The following SLTM variants were observed in gnomAD, a reference collection of about 807,000 sequenced individuals.
SLTM encodes the protein SAFB like transcription modulator.
A neutral mutation model predicts 134.6 loss-of-function variants in SLTM; 43 were observed. The ratio of observed to expected loss-of-function variants is 0.32; its 90% CI spans 0.25 to 0.41. SLTM has a LOEUF of 0.41. Among genes scored for constraint, SLTM ranks in the 10% least tolerant of loss-of-function variants. SLTM has a pLI of 1.00. For synonymous variants in SLTM, 424 were observed against 432.3 expected (o/e 0.98, Z 0.24); for missense variants, 1,055 against 1,288.8 (o/e 0.82, Z 2.78).
At position 58,899,369 on chromosome 15, in the gene SLTM, T is replaced by A. The variant is rs1427653350; in HGVS notation, c.1058+100A>T. The A allele has an allele frequency of 2.2e-6, 2 of 912,386 alleles. No homozygotes were observed. Among genetic ancestry groups the A allele is most frequent in the East Asian group, 4.8e-5 (2 of 41,594 alleles). 56.5% of individuals were successfully genotyped at this position (912,386 alleles called of 1,614,324 possible). A position where few individuals can be genotyped will look rare whatever the true frequency, so the allele number is the denominator to read the frequency against. Reference sequence around the variant, plus strand: ...TATTATAGGCAGGATCATAAGACACTAATTACTGTACATGTTCTTGAAGCC... The same window carrying A: ...TATTATAGGCAGGATCATAAGACACAAATTACTGTACATGTTCTTGAAGCC... On this transcript the variant is annotated intron_variant, in intron 7 of 20. Transcript: ENST00000380516. The surrounding 1 kb of genome is among the most constrained non-coding windows in gnomAD (Gnocchi z 5.0).
intron 8 of SLTM, chr15:58,897,920 T>C (rs1362854032): frequency 6.6e-6 from 1 of 152,132 alleles, no homozygotes; most frequent in Non-Finnish European, 1.5e-5. Context: ...GGCCATATCT[T>C]AGGATACAGG....
At chr15:58,888,721 A>C (rs1225121387) in intron 16 of SLTM, 166 bp from the exon 17 acceptor site, 1 of 526,048 alleles carries the variant, frequency 1.9e-6, no homozygotes, top group Non-Finnish European at 3.2e-6. Context: ...TTAATTGTTG[A>C]ATTACATAAA....
intron 5 of SLTM, among the ~76,000 whole-genome samples, chr15:58,910,204 G>GT (rs1215772026): frequency 7.2e-5 from 11 of 152,134 alleles, no homozygotes; most frequent in African/African-American, 2.7e-4. Context: ...AAGGGAGAAA[G>GT]TAAACAGAGG....
chr15:58,910,743 C>CTTT (rs543560542), intron 5 of SLTM, among the ~76,000 whole-genome samples: 16 of 116,216 alleles, frequency 1.4e-4, no homozygotes, highest in South Asian at 8.8e-4. Flanking sequence ...CTCATAGATT[C>CTTT]TTTTTTTTTT....
chr15:58,912,445 C>G, intron 5 of SLTM, 118 bp downstream of exon 5: 1 of 943,692 alleles, frequency 1.1e-6, no homozygotes, highest in Non-Finnish European at 1.7e-6. Context: ...ACGTAAATAA[C>G]TCAGTATTAA....
chr15:58,886,255 G>GTA (rs2034190101), intron 19 of SLTM, among the ~76,000 whole-genome samples: 1 of 128,654 alleles, frequency 7.8e-6, no homozygotes, highest in Non-Finnish European at 1.7e-5. Context: ...GTGTGTGTGT[G>GTA]TGTGTGTGTG....
chr15:58,928,616 T>C (rs1871063465), intron 2 of SLTM, among the ~76,000 whole-genome samples: 1 of 150,422 alleles, frequency 6.6e-6, no homozygotes, highest in Non-Finnish European at 1.5e-5. Flanking sequence ...CTAACCTCTC[T>C]AAATAGAATC....
At chr15:58,922,320 T>G (rs1186267503) in intron 2 of SLTM, among the ~76,000 whole-genome samples, 1 of 125,188 alleles carries the variant, frequency 8.0e-6, no homozygotes, top group Non-Finnish European at 1.5e-5. Context: ...GAGGTTGCAG[T>G]GAGCCGAGAT....
chr15:58,931,523 ACT>A (rs1258360701), intron 2 of SLTM, among the ~76,000 whole-genome samples: 6 of 152,120 alleles, frequency 3.9e-5, no homozygotes, highest in East Asian at 1.9e-4. Context: ...TTCATGACAA[ACT>A]CTGCATGAAA....
At chr15:58,931,267 A>G (rs1214975556) in intron 2 of SLTM, among the ~76,000 whole-genome samples, 2 of 152,188 alleles carry the variant, frequency 1.3e-5, no homozygotes, top group African/African-American at 2.4e-5. Flanking sequence ...TCTCCCAGGG[A>G]ATGCTTATTA....
chr15:58,884,507 C>T (rs1412678456), intron 19 of SLTM, among the ~76,000 whole-genome samples: 1 of 151,966 alleles, frequency 6.6e-6, no homozygotes. Flanking sequence ...TTAGTGGAGA[C>T]GGGGTTTCAC....
At chr15:58,885,754 A>G (rs1353245733) in intron 19 of SLTM, among the ~76,000 whole-genome samples, 3 of 152,148 alleles carry the variant, frequency 2.0e-5, no homozygotes, top group Non-Finnish European at 4.4e-5. Flanking sequence ...ACGGCATGTC[A>G]GCCTGTTTGA....
intron 5 of SLTM, among the ~76,000 whole-genome samples, chr15:58,904,226 G>C (rs1195463620): frequency 6.6e-6 from 1 of 152,028 alleles, no homozygotes; most frequent in East Asian, 1.9e-4. Context: ...GCCCAGGCTG[G>C]TCTCGAACTC....
intron 5 of SLTM, among the ~76,000 whole-genome samples, chr15:58,902,552 A>AT (rs530592795): frequency 1.9e-3 from 272 of 146,272 alleles, no homozygotes; most frequent in Middle Eastern, 3.5e-3. Flanking sequence ...TGTCCAGCGA[A>AT]TTTTTTTTTT....
At chr15:58,917,785 T>C (rs187081909) in intron 2 of SLTM, among the ~76,000 whole-genome samples, 21 of 152,308 alleles carry the variant, frequency 1.4e-4, no homozygotes, top group African/African-American at 4.8e-4. Flanking sequence ...AGTCGCACTC[T>C]GTCGCCCAGG....
rs1379150263 is a variant in SLTM at position 58,886,960 on chromosome 15, T to G, written c.2835+15A>C. The G allele has an allele frequency of 6.2e-7, 1 of 1,611,914 alleles. No individual in the cohort carries two copies. Among genetic ancestry groups the G allele is most frequent in the Admixed American group, 1.7e-5 (1 of 59,998 alleles). ...TATGTGTGCAGGCTCGCGGCAAGCC[T>G]CCCGCAGCACTTACCTGTGATCCAC... On this transcript the variant is annotated intron_variant, in intron 19 of 20. Coordinates refer to ENST00000380516, the MANE Select transcript of SLTM (RefSeq NM_024755.4).
chr15:58,912,521 C>T (rs1406308003), intron 5 of SLTM, 42 bp downstream of exon 5: 1 of 1,521,674 alleles, frequency 6.6e-7, no homozygotes. Flanking sequence ...CCAAGCCCGT[C>T]CACCCACAAT....
At position 58,887,235 on chromosome 15, in the gene SLTM, C is replaced by T. The variant is rs769664181; in HGVS notation, c.2681G>A (p.Arg894Gln). ...CATAGTACACAGCTACCTTGTTTCC[C>T]GTTTGTCAGTGGACATGCTTCCTTC... ...KSEGSMSTDK[R>Q]ETRVERPERS... The change falls in exon 18 of 21, where the codon CGG becomes CAG. Residue 894 changes from arginine to glutamine, a missense_variant. By Grantham distance (43) the Arg-to-Gln change is conservative (BLOSUM62 1). Around this residue, in one of 3 missense-constraint regions of SLTM, gnomAD observed 776 missense variants for 962.2 expected, o/e 0.81. Transcript: ENST00000380516. 3.7e-6 allele frequency: 6 copies of T among 1,613,672 alleles called. No individual in the cohort carries two copies. Among genetic ancestry groups the T allele is most frequent in the South Asian group, 1.1e-5 (1 of 91,052 alleles).
intron 16 of SLTM, chr15:58,888,865 T>A: frequency 8.8e-6 from 2 of 226,646 alleles, no homozygotes; most frequent in Non-Finnish European, 1.7e-5. Flanking sequence ...ATAAAATACC[T>A]GAAACCACTT....
Sources: gnomAD v4.1 joint callset for allele counts (sites outside exome capture counted in the v4.1 genomes callset) on GRCh38, gnomAD v4.1.1 for gene constraint, gnomAD v4.1.1 regional missense constraint, Gnocchi (gnomAD v3.1) non-coding constraint, MANE v1.5 for transcripts, NCBI Gene and HGNC (gene_info 2026-07-23, HGNC 2026-07-21) for gene names.